Variants in TAFA2 observed in about 807,000 individuals in gnomAD.
TAFA2 encodes the protein chemokine-like protein TAFA-2.
A neutral mutation model predicts 18.8 loss-of-function variants in TAFA2; 7 were observed. That is an observed-to-expected ratio of 0.37 (90% CI 0.21 to 0.70). The LOEUF is 0.70. Among genes scored for constraint, TAFA2 ranks in the 30% least tolerant of loss-of-function variants. The pLI is 0.53. For missense variants in TAFA2, 122 were observed against 158.1 expected (o/e 0.77, Z 1.23); for synonymous variants, 60 against 54.2 (o/e 1.11, Z -0.47).
intron 2 of TAFA2, among the ~76,000 whole-genome samples, chr12:61,801,960 T>A (rs1390532627): frequency 6.6e-6 from 1 of 152,038 alleles, no homozygotes; most frequent in African/African-American, 2.4e-5. Context: ...AGGATCTGAA[T>A]GGATCTTTCT....
At chr12:61,907,423 A>G (rs571499138) in intron 1 of TAFA2, among the ~76,000 whole-genome samples, 1 of 152,226 alleles carries the variant, frequency 6.6e-6, no homozygotes, top group Non-Finnish European at 1.5e-5. Context: ...GGCAGCTTAC[A>G]TGTGGTGTTG....
chr12:62,006,588 G>A (rs941597956), intron 1 of TAFA2, among the ~76,000 whole-genome samples: 6 of 152,118 alleles, frequency 3.9e-5, no homozygotes, highest in Admixed American at 2.0e-4. Flanking sequence ...TAAAGTCTAA[G>A]AGAGGCTACA....
At chr12:61,767,019 A>G (rs1869819766) in intron 2 of TAFA2, among the ~76,000 whole-genome samples, 1 of 152,130 alleles carries the variant, frequency 6.6e-6, no homozygotes, top group East Asian at 1.9e-4. Flanking sequence ...CTAAGTCACA[A>G]TTTATCATCT....
intron 1 of TAFA2, among the ~76,000 whole-genome samples, chr12:61,941,370 T>A (rs1302965558): frequency 2.0e-5 from 3 of 152,200 alleles, no homozygotes; most frequent in Non-Finnish European, 4.4e-5. Flanking sequence ...CATAACTTTA[T>A]TCGAAAGTAC....
intron 1 of TAFA2, among the ~76,000 whole-genome samples, chr12:62,003,052 C>T (rs1177757988): frequency 2.0e-5 from 3 of 152,138 alleles, no homozygotes; most frequent in African/African-American, 7.2e-5. Context: ...TCCTTTACTC[C>T]TTTCCCCTCT....
At chr12:62,006,213 A>G (rs932955402) in intron 1 of TAFA2, among the ~76,000 whole-genome samples, 17 of 152,244 alleles carry the variant, frequency 1.1e-4, no homozygotes, top group African/African-American at 3.9e-4. Flanking sequence ...GAGATTTGAA[A>G]GTTTATCAGT....
chr12:62,079,751 T>C (rs1455008463), intron 1 of TAFA2, among the ~76,000 whole-genome samples: 1 of 152,116 alleles, frequency 6.6e-6, no homozygotes, highest in African/African-American at 2.4e-5. Flanking sequence ...TTCTAGGATA[T>C]TCAGGTTAAT....
At chr12:61,795,347 T>C (rs1388278536) in intron 2 of TAFA2, among the ~76,000 whole-genome samples, 10 of 152,092 alleles carry the variant, frequency 6.6e-5, no homozygotes, top group Non-Finnish European at 1.2e-4. Flanking sequence ...CCATCAATGA[T>C]AGACTGGATT....
At chr12:62,248,236 G>C (rs1315815212) in intron 1 of TAFA2, among the ~76,000 whole-genome samples, 2 of 152,190 alleles carry the variant, frequency 1.3e-5, no homozygotes, top group East Asian at 3.9e-4. Flanking sequence ...CCCAGTGCAG[G>C]GGTGGGCCCT....
At chr12:61,878,180 T>C (rs1874951110) in intron 1 of TAFA2, 1 of 443,040 alleles carries the variant, frequency 2.3e-6, no homozygotes, top group Non-Finnish European at 4.5e-6. Flanking sequence ...ATTTAATGAA[T>C]ATGGAGTTTT....
At chr12:61,902,062 C>G (rs539325898) in intron 1 of TAFA2, among the ~76,000 whole-genome samples, 1 of 132,682 alleles carries the variant, frequency 7.5e-6, no homozygotes, top group Non-Finnish European at 1.5e-5. Context: ...TTATTAAAAT[C>G]TATTGATGTA....
chr12:61,960,775 C>CAAAAAA (rs34080993), intron 1 of TAFA2, among the ~76,000 whole-genome samples: 1 of 145,676 alleles, frequency 6.9e-6, no homozygotes, highest in Non-Finnish European at 1.5e-5. Flanking sequence ...CCTATTTCAC[C>CAAAAAA]AAAAAAAAAA....
chr12:62,233,581 C>A (rs1201628541), intron 1 of TAFA2, among the ~76,000 whole-genome samples: 2 of 152,154 alleles, frequency 1.3e-5, no homozygotes, highest in South Asian at 2.1e-4. Context: ...GTCTGCTGAC[C>A]CTACCCACGA....
At chr12:61,768,737 G>C (rs1293934956) in intron 2 of TAFA2, among the ~76,000 whole-genome samples, 1 of 152,092 alleles carries the variant, frequency 6.6e-6, no homozygotes, top group Non-Finnish European at 1.5e-5. Flanking sequence ...GGGGAGGTCT[G>C]CCAGTGGAAT....
At chr12:62,232,886 G>A (rs777048529) in intron 1 of TAFA2, among the ~76,000 whole-genome samples, 2 of 151,848 alleles carry the variant, frequency 1.3e-5, no homozygotes, top group African/African-American at 4.8e-5. Flanking sequence ...CTAGCACAGG[G>A]CCATCTCTGG....
At chr12:61,872,383 T>C (rs1485807067) in intron 1 of TAFA2, among the ~76,000 whole-genome samples, 4 of 152,076 alleles carry the variant, frequency 2.6e-5, no homozygotes, top group Admixed American at 6.6e-5. Context: ...CTAGTTACAA[T>C]GGCATGGACC....
At chr12:61,937,007 A>G (rs1342541874) in intron 1 of TAFA2, among the ~76,000 whole-genome samples, 2 of 152,184 alleles carry the variant, frequency 1.3e-5, no homozygotes, top group African/African-American at 4.8e-5. Flanking sequence ...CACTGCTATC[A>G]CCAACAATAA....
At chr12:61,836,595 A>C (rs1872928132) in intron 2 of TAFA2, among the ~76,000 whole-genome samples, 1 of 151,704 alleles carries the variant, frequency 6.6e-6, no homozygotes, top group Non-Finnish European at 1.5e-5. Flanking sequence ...CTTATTCCTT[A>C]ACAAAATCAA....
intron 1 of TAFA2, among the ~76,000 whole-genome samples, chr12:61,963,735 T>C (rs902402914): frequency 2.6e-5 from 4 of 151,946 alleles, no homozygotes; most frequent in African/African-American, 4.8e-5. Context: ...CTACTTTATA[T>C]TTCATATGAA....
Sources: gnomAD v4.1 joint callset for allele counts (sites outside exome capture counted in the v4.1 genomes callset) on GRCh38, gnomAD v4.1.1 for gene constraint, MANE v1.5 for transcripts, NCBI Gene and HGNC (gene_info 2026-07-23, HGNC 2026-07-21) for gene names.